CDH23: variants seen among roughly 807,000 people sequenced by gnomAD.
The protein encoded by CDH23 is cadherin related 23.
CDH23 carries 189 observed loss-of-function variants against 317.1 expected under a neutral mutation model. The ratio of observed to expected loss-of-function variants is 0.60; its 90% CI spans 0.53 to 0.67. CDH23 has a LOEUF of 0.67. Among genes scored for constraint, CDH23 ranks in the 30% least tolerant of loss-of-function variants. CDH23 has a pLI of 0.00. For synonymous variants in CDH23, 1,839 were observed against 1,876.8 expected, an observed-to-expected ratio of 0.98 and a Z score of 0.52; for missense variants, 4,401 against 4,592.4, an observed-to-expected ratio of 0.96 and a Z score of 1.20.
chr10:71,506,003 T>G (rs1025706024), intron 3 of CDH23, among the ~76,000 whole-genome samples: 1 of 152,210 alleles, frequency 6.6e-6, no homozygotes, highest in Non-Finnish European at 1.5e-5. Context: ...AACTGATCAA[T>G]GAATGAACAA....
chr10:71,416,827 C>T (rs1022511177), intron 1 of CDH23, among the ~76,000 whole-genome samples: 1 of 152,080 alleles, frequency 6.6e-6, no homozygotes, highest in Non-Finnish European at 1.5e-5. Context: ...GCCACCATGC[C>T]AGGCAATTTT....
intron 38 of CDH23, among the ~76,000 whole-genome samples, chr10:71,746,361 G>C (rs1839852758): frequency 6.6e-6 from 1 of 152,218 alleles, no homozygotes; most frequent in Admixed American, 6.5e-5. Flanking sequence ...GTCCCCCCAG[G>C]TTCCTGAGAG....
intron 6 of CDH23, among the ~76,000 whole-genome samples, chr10:71,517,094 C>T (rs1161031377): frequency 6.6e-6 from 1 of 152,240 alleles, no homozygotes; most frequent in African/African-American, 2.4e-5. Flanking sequence ...CAAATGCAGA[C>T]AGCCATGCGG....
At chr10:71,696,175 C>G (rs1308849805) in intron 22 of CDH23, among the ~76,000 whole-genome samples, 1 of 152,168 alleles carries the variant, frequency 6.6e-6, no homozygotes, top group Non-Finnish European at 1.5e-5. Flanking sequence ...CAGGTCCCAC[C>G]CCCACACCAT....
At chr10:71,541,281 T>G (rs971976152) in intron 6 of CDH23, among the ~76,000 whole-genome samples, 1 of 152,230 alleles carries the variant, frequency 6.6e-6, no homozygotes, top group Non-Finnish European at 1.5e-5. Context: ...ACGCAGCAAT[T>G]ACCCGCTCTG....
intron 20 of CDH23, among the ~76,000 whole-genome samples, chr10:71,692,530 TC>T (rs1865224693): frequency 6.6e-6 from 1 of 152,222 alleles, no homozygotes; most frequent in Non-Finnish European, 1.5e-5. Context: ...AATTTCTTCC[TC>T]GCCCTGCCAA....
chr10:71,800,811 AAGCAAAGCCTCT>A, intron 53 of CDH23, 56 bp downstream of exon 53: 1 of 1,594,740 alleles, frequency 6.3e-7, no homozygotes. Flanking sequence ...TGGAGGCAAC[AAGCAAAGCCTCT>A]AGCAAGTGGA....
chr10:71,729,133 C>T (rs138646022), intron 30 of CDH23, among the ~76,000 whole-genome samples: 1 of 152,306 alleles, frequency 6.6e-6, no homozygotes, highest in East Asian at 1.9e-4. Flanking sequence ...CCATGCCTGG[C>T]CTCCATAAAC....
At chr10:71,445,515 G>A (rs1056044843) in intron 2 of CDH23, among the ~76,000 whole-genome samples, 3 of 152,212 alleles carry the variant, frequency 2.0e-5, no homozygotes. Flanking sequence ...AGCCACATGT[G>A]ATTTTAAATG....
At chr10:71,735,743 C>T (rs117227327) in intron 34 of CDH23, among the ~76,000 whole-genome samples, 1,848 of 152,328 alleles carry the variant, frequency 0.012, 14 homozygotes, top group Middle Eastern at 0.034. Context: ...CCAGTTCTAG[C>T]GGCACTGGTT....
intron 2 of CDH23, among the ~76,000 whole-genome samples, chr10:71,445,976 C>T (rs1850145318): frequency 6.6e-6 from 1 of 151,994 alleles, no homozygotes; most frequent in South Asian, 2.1e-4. Context: ...TGTAAAAGAT[C>T]AGTGAGCTAT....
chr10:71,718,223 G>A (rs975778498), intron 28 of CDH23, among the ~76,000 whole-genome samples: 1 of 152,202 alleles, frequency 6.6e-6, no homozygotes, highest in Non-Finnish European at 1.5e-5. Flanking sequence ...AGGTAGTGGG[G>A]AGGGGAGTGG....
rs985775149 is a variant in CDH23 at position 71,397,025 on chromosome 10, G to A, written c.-299G>A. The A allele has an allele frequency of 6.6e-6, 1 of 152,354 alleles. No homozygotes were observed. Among genetic ancestry groups the A allele is most frequent in the Non-Finnish European group, 1.5e-5 (1 of 68,544 alleles). The allele number at this position is 152,354 out of a possible 1,614,324, so 9.4% of individuals were successfully genotyped here. On this transcript the variant is annotated 5_prime_UTR_variant, in exon 1 of 70. Transcript: ENST00000224721. This position sits in a 1 kb window ranked among gnomAD's most constrained non-coding sequence, Gnocchi z 4.8. ...CCGACGGCGGCCGGACGCTGAGGTG[G>A]TCGGGGCTAGTCAGCCCGGCCTGGG...
At chr10:71,444,514 A>G (rs1473637597) in intron 2 of CDH23, among the ~76,000 whole-genome samples, 1 of 152,204 alleles carries the variant, frequency 6.6e-6, no homozygotes, top group Non-Finnish European at 1.5e-5. Context: ...GCCAATGGAA[A>G]TGAGATTTGG....
At chr10:71,725,686 A>T (rs540637080) in intron 30 of CDH23, among the ~76,000 whole-genome samples, 166 bp downstream of exon 30, 1 of 152,304 alleles carries the variant, frequency 6.6e-6, no homozygotes, top group African/African-American at 2.4e-5. Flanking sequence ...CCAGCCTGGG[A>T]CTTGGACTTG....
At chr10:71,587,877 AT>A (rs1394640814) in intron 9 of CDH23, among the ~76,000 whole-genome samples, 1 of 152,260 alleles carries the variant, frequency 6.6e-6, no homozygotes, top group Non-Finnish European at 1.5e-5. Context: ...GCAAGGTTAA[AT>A]CATACAAAAG....
chr10:71,549,406 T>G (rs1856460785), intron 6 of CDH23, among the ~76,000 whole-genome samples: 1 of 152,224 alleles, frequency 6.6e-6, no homozygotes, highest in Admixed American at 6.5e-5. Flanking sequence ...TTGGAGGGAC[T>G]CCAGAGAGGG....
At chr10:71,764,740 G>A (rs1306439341) in intron 38 of CDH23, among the ~76,000 whole-genome samples, 1 of 152,182 alleles carries the variant, frequency 6.6e-6, no homozygotes, top group African/African-American at 2.4e-5. Context: ...GGACATTTGA[G>A]TTTGTGATGA....
intron 1 of CDH23, among the ~76,000 whole-genome samples, chr10:71,439,016 T>C (rs1331575345): frequency 6.6e-6 from 1 of 152,142 alleles, no homozygotes; most frequent in Non-Finnish European, 1.5e-5. Context: ...AGGGCCCTGA[T>C]GGAATGGGAC....
Sources: allele counts gnomAD v4.1 joint callset (sites outside exome capture counted in the v4.1 genomes callset), GRCh38; gene constraint gnomAD v4.1.1; non-coding constraint Gnocchi (gnomAD v3.1); transcripts MANE v1.5; gene names NCBI Gene and HGNC (gene_info 2026-07-23, HGNC 2026-07-21).